Variants in PTPN18 observed in about 807,000 individuals in gnomAD.
PTPN18 encodes the protein protein tyrosine phosphatase non-receptor type 18.
A neutral mutation model predicts 65.4 loss-of-function variants in PTPN18; 65 were observed. That is an observed-to-expected ratio of 0.99 (90% CI 0.81 to 1.22). The LOEUF (loss-of-function observed/expected upper bound fraction) is 1.22, where lower values mean the gene tolerates loss of function less well. Among genes scored for constraint, PTPN18 ranks in the 50% most tolerant of loss-of-function variants. PTPN18 has a pLI of 0.00. For synonymous variants in PTPN18, 255 were observed against 267.8 expected, an observed-to-expected ratio of 0.95 and a Z score of 0.47; for missense variants, 616 against 646.5, an observed-to-expected ratio of 0.95 and a Z score of 0.51.
chr2:130,370,163 G>A lies in PTPN18; in HGVS notation c.662G>A (p.Gly221Asp), dbSNP rs748948852. The A allele has an allele frequency of 9.3e-6, 15 of 1,612,902 alleles. No individual in the cohort carries two copies. The highest frequency in any genetic ancestry group is 3.3e-4 in the Middle Eastern group (2 of 6,084). ...GAAGCCCGTCGCCTCCAGGGATCTG[G>A]CCCTGAACCCCTCTGTGTCCACTGC... ...VEEARRLQGS[G>D]PEPLCVHCSA... is the part of the protein sequence containing the mutation. Residue 221 changes from glycine (G) to aspartate (D), a missense_variant, in exon 8 of 15, where the codon GGC becomes GAC. Gly to Asp is a moderately conservative substitution (Grantham distance 94). Around this residue, in one of 3 missense-constraint regions of PTPN18, gnomAD observed 368 missense variants for 386.7 expected, o/e 0.95. Transcript: ENST00000175756.
chr2:130,357,907 A>G (rs1680045168), intron 1 of PTPN18, among the ~76,000 whole-genome samples: 1 of 152,168 alleles, frequency 6.6e-6, no homozygotes, highest in Admixed American at 6.5e-5. Flanking sequence ...AGTAATTTAC[A>G]CACATGTAGA....
chr2:130,368,906 G>A, intron 5 of PTPN18: 1 of 435,618 alleles, frequency 2.3e-6, no homozygotes, highest in East Asian at 3.7e-5. Flanking sequence ...CTTACAGTGG[G>A]AGGGTATCCT....
chr2:130,363,114 C>A (rs556878005), intron 5 of PTPN18, among the ~76,000 whole-genome samples: 7 of 150,990 alleles, frequency 4.6e-5, no homozygotes, highest in Non-Finnish European at 8.9e-5. Context: ...CCACCGTGCC[C>A]GGCCTACCAC....
intron 6 of PTPN18, 44 bp downstream of exon 6, chr2:130,369,245 G>A: frequency 1.3e-6 from 2 of 1,561,394 alleles, no homozygotes; most frequent in Non-Finnish European, 1.8e-6. Context: ...GGGTGGAAAG[G>A]CTTTGGGTTG....
At chr2:130,372,169 G>T in intron 12 of PTPN18, 88 bp from the exon 13 acceptor site, 1 of 1,296,130 alleles carries the variant, frequency 7.7e-7, no homozygotes, top group Non-Finnish European at 1.1e-6. Context: ...CGGGAAGGAA[G>T]CCCGTGGTTT....
At chr2:130,359,866 A>T (rs1004052205) in intron 5 of PTPN18, 8 of 601,652 alleles carry the variant, frequency 1.3e-5, no homozygotes, top group African/African-American at 7.5e-5. Context: ...GCCATTTCAC[A>T]CCTTAGACCA....
In PTPN18 at chr2:130,369,160, G is replaced by C. The variant is rs769760078; in HGVS notation, c.442G>C (p.Glu148Gln). ...RKRCERYWAQ[E>Q]QEPLQTGLFC... The stretch of plus-strand genomic sequence containing the variant: ...AAGGTGTGAGCGGTACTGGGCCCAG[G>C]AGCAGGAGCCACTGCAGACTGGGCT... Residue 148 changes from glutamate to glutamine, a missense_variant, in exon 6 of 15, where the codon GAG becomes CAG. By Grantham distance (29) the Glu-to-Gln change is conservative (BLOSUM62 2). This residue lies in a region of PTPN18 where 223 missense variants were observed against 210.0 expected (regional missense o/e 1.06). Transcript: ENST00000175756. 146 of 1,613,322 alleles carry C rather than the reference G, an allele frequency of 9.0e-5. No individual in the cohort carries two copies. The highest frequency in any genetic ancestry group is 1.2e-4 in the Non-Finnish European group (145 of 1,179,722).
Position 130,358,816 on chromosome 2 carries a change from G to C in PTPN18, c.94-51G>C, listed in dbSNP as rs368699836. Reference sequence around the variant, plus strand: ...CTAGGTGGCCTGGGACTCTGACCTGGCTCCTCTCCTGTCTTCTCCCCTCCC... The same window carrying C: ...CTAGGTGGCCTGGGACTCTGACCTGCCTCCTCTCCTGTCTTCTCCCCTCCC... On this transcript the variant is annotated intron_variant, in intron 1 of 14. Transcript: ENST00000175756. 4.3e-5 allele frequency: 65 copies of C among 1,504,888 alleles called. No homozygotes were observed. In the Middle Eastern group the frequency reaches 8.6e-4, roughly 20 times the overall value. The allele number at this position is 1,504,888 out of a possible 1,614,324, so 93.2% of individuals were successfully genotyped here.
chr2:130,358,943 T>G lies in PTPN18; in HGVS notation c.170T>G (p.Val57Gly), dbSNP rs772474125. ...STVAGSRPEN[V>G]RKNRYKDVLP... is the part of the protein sequence containing the mutation. ...GTGGCCGGCAGTCGGCCAGAGAACG[T>G]GAGGAAGAACCGCTACAAAGACGTG... The change falls in exon 2 of 15, where the codon GTG (valine) becomes GGG (glycine). Residue 57 changes from valine (V) to glycine (G), a missense_variant. Around this residue, in one of 3 missense-constraint regions of PTPN18, gnomAD observed 223 missense variants for 210.0 expected, o/e 1.06. Coordinates refer to ENST00000175756, the MANE Select transcript of PTPN18 (RefSeq NM_014369.4). The G allele has an allele frequency of 5.6e-6, 9 of 1,614,120 alleles. No homozygotes were observed. The highest frequency in any genetic ancestry group is 7.6e-6 in the Non-Finnish European group (9 of 1,179,994).
chr2:130,374,446 G>T lies in PTPN18; in HGVS notation c.*1222G>T, dbSNP rs1297468005. On this transcript the variant is annotated 3_prime_UTR_variant, in exon 15 of 15. Coordinates refer to ENST00000175756, the MANE Select transcript of PTPN18 (RefSeq NM_014369.4). ...GCCTCCCAAAGTGCTGAGATTACAGGTGTGAGCCACCAGGCTCAGCCCCCT... is the reference window on the plus strand; with the variant it reads ...GCCTCCCAAAGTGCTGAGATTACAGTTGTGAGCCACCAGGCTCAGCCCCCT... 1 of 349,568 alleles carries T rather than the reference G, an allele frequency of 2.9e-6. No individual in the cohort carries two copies. The highest frequency in any genetic ancestry group is 5.8e-6 in the Non-Finnish European group (1 of 173,578). The allele number at this position is 349,568 out of a possible 1,614,324, so 21.7% of individuals were successfully genotyped here.
chr2:130,356,102 G>A lies in PTPN18; in HGVS notation c.-6G>A, dbSNP rs761940826. ...GCCGGGCTGGACCTTGCTGGCCCGC[G>A]GCGCCATGAGCCGCAGCCTGGACTC... On this transcript the variant is annotated 5_prime_UTR_variant, in exon 1 of 15. Coordinates refer to ENST00000175756, the MANE Select transcript of PTPN18 (RefSeq NM_014369.4). 4.6e-6 allele frequency: 6 copies of A among 1,293,014 alleles called. No individual in the cohort carries two copies. The highest frequency in any genetic ancestry group is 5.9e-6 in the Non-Finnish European group (6 of 1,023,578). The allele number at this position is 1,293,014 out of a possible 1,614,324, so 80.1% of individuals were successfully genotyped here.
At position 130,359,507 on chromosome 2, in the gene PTPN18, G is replaced by T. The variant is rs780727966; in HGVS notation, c.375+15G>T. On this transcript the variant is annotated intron_variant, in intron 4 of 14. Coordinates refer to ENST00000175756, the MANE Select transcript of PTPN18 (RefSeq NM_014369.4). ...TTGGGGTCAAGGTCAGCACTTGGGG[G>T]TGCGGCACAATGGTGGGGTCAACAT... 1 of 1,613,870 alleles carries T rather than the reference G, an allele frequency of 6.2e-7. No individual in the cohort carries two copies. Among genetic ancestry groups the T allele is most frequent in the Non-Finnish European group, 8.5e-7 (1 of 1,179,776 alleles).
At chr2:130,371,453 A>T (rs1680563524) in intron 12 of PTPN18, 166 bp downstream of exon 12, 2 of 636,420 alleles carry the variant, frequency 3.1e-6, no homozygotes, top group Non-Finnish European at 5.3e-6. Flanking sequence ...AATTATCCCA[A>T]GATGATTCAT....
In PTPN18 at chr2:130,372,877, T is replaced by C. The variant is rs374929505; in HGVS notation, c.1245T>C (p.Pro415=). 526 of 1,614,062 alleles carry C rather than the reference T, an allele frequency of 3.3e-4. No individual in the cohort carries two copies. Among genetic ancestry groups the C allele is most frequent in the Non-Finnish European group, 4.4e-4 (518 of 1,180,020 alleles). The change falls in exon 14 of 15, where the codon CCT becomes CCC. Residue 415 remains proline (P), a synonymous_variant. Transcript: ENST00000175756. The stretch of plus-strand genomic sequence containing the variant: ...TGGGGGGTCTGCTGCCCTCAGTTCC[T>C]GCTGACCAAAGTCCTGCCGGATCTG... ...DARGTLPGRV[P]ADQSPAGSGA...
chr2:130,364,452 A>G (rs1680320777), intron 5 of PTPN18, among the ~76,000 whole-genome samples: 1 of 152,194 alleles, frequency 6.6e-6, no homozygotes, highest in South Asian at 2.1e-4. Context: ...CGCCTGTTGG[A>G]CATCTGGGTT....
At position 130,358,889 on chromosome 2, in the gene PTPN18, C is replaced by T; in HGVS notation, c.116C>T (p.Ala39Val). ...EFSDIQACSA[A>V]WKADGVCSTV... ...CAGGACATCCAGGCCTGCTCGGCCGCCTGGAAGGCTGACGGCGTGTGCTCC... is the reference window on the plus strand; with the variant it reads ...CAGGACATCCAGGCCTGCTCGGCCGTCTGGAAGGCTGACGGCGTGTGCTCC... The change falls in exon 2 of 15, where the codon GCC (alanine) becomes GTC (valine). Residue 39 changes from alanine (A) to valine (V), a missense_variant. Transcript: ENST00000175756. 3 of 1,613,734 alleles carry T rather than the reference C, an allele frequency of 1.9e-6. No individual in the cohort carries two copies. In the African/African-American group the frequency reaches 4.0e-5, roughly 22 times the overall value.
At position 130,366,617 on chromosome 2, in the gene PTPN18, T is replaced by C. The variant is rs529895580; in HGVS notation, c.415-2516T>C. On this transcript the variant is annotated intron_variant, in intron 5 of 14. Coordinates refer to ENST00000175756, the MANE Select transcript of PTPN18 (RefSeq NM_014369.4). The stretch of plus-strand genomic sequence containing the variant: ...AGGGTAATACTAGCCTCATACAATA[T>C]GTTGGGAAATGGTTCCTCTCAGTTT... Among the ~76,000 whole-genome samples the C allele has an allele frequency of 1.7e-3, 261 of 152,338 alleles. 3 individuals carry two copies. Among genetic ancestry groups the C allele is most frequent in the Admixed American group, 3.2e-3 (49 of 15,296 alleles).
At chr2:130,356,265 C>A (rs1165036847) in intron 1 of PTPN18, 65 bp downstream of exon 1, 1 of 1,165,512 alleles carries the variant, frequency 8.6e-7, no homozygotes, top group African/African-American at 1.6e-5. Context: ...GCCTGTCCTC[C>A]GCGCACGGCG....
chr2:130,369,915 C>T, intron 7 of PTPN18, 88 bp downstream of exon 7: 1 of 1,538,262 alleles, frequency 6.5e-7, no homozygotes, highest in South Asian at 1.1e-5. Flanking sequence ...TACTAGTACC[C>T]ACTTCCTCAG....
Sources: allele counts gnomAD v4.1 joint callset (sites outside exome capture counted in the v4.1 genomes callset), GRCh38; gene constraint gnomAD v4.1.1; regional missense constraint gnomAD v4.1.1; transcripts MANE v1.5; gene names NCBI Gene and HGNC (gene_info 2026-07-23, HGNC 2026-07-21).